PRPF18: variants seen among roughly 807,000 people sequenced by gnomAD.
The protein encoded by PRPF18 is pre-mRNA-splicing factor 18.
Under a neutral mutation model 46.5 loss-of-function variants are expected in PRPF18, and 38 were observed. The ratio of observed to expected loss-of-function variants is 0.82; its 90% CI spans 0.63 to 1.07. The LOEUF (loss-of-function observed/expected upper bound fraction) is 1.07, where lower values mean the gene tolerates loss of function less well. Among genes scored for constraint, PRPF18 ranks in the 50% least tolerant of loss-of-function variants. The pLI, the probability that PRPF18 is intolerant of heterozygous loss-of-function variation, is 0.00. For missense variants in PRPF18, 263 were observed against 410.0 expected (o/e 0.64, Z 3.10); for synonymous variants, 152 against 146.7 (o/e 1.04, Z -0.26).
chr10:13,604,737 T>C (rs1441820608), intron 3 of PRPF18, among the ~76,000 whole-genome samples: 1 of 152,230 alleles, frequency 6.6e-6, no homozygotes. Flanking sequence ...TTACTTAAGG[T>C]GTGATGGTAA....
chr10:13,630,129 A>T, intron 9 of PRPF18, 131 bp from the exon 10 acceptor site: 1 of 698,634 alleles, frequency 1.4e-6, no homozygotes, highest in South Asian at 1.7e-5. Context: ...CTAGGCATAC[A>T]TCTGAGTGAA....
At chr10:13,654,994 G>T in the PRPF18 span, 1 of 161,812 alleles carries the variant, frequency 6.2e-6, no homozygotes, top group Non-Finnish European at 1.4e-5. Flanking sequence ...CATCCAGAAA[G>T]GTTCTCAGAG....
chr10:13,604,001 G>A (rs1442153899), intron 3 of PRPF18, among the ~76,000 whole-genome samples: 2 of 152,194 alleles, frequency 1.3e-5, no homozygotes, highest in Non-Finnish European at 2.9e-5. Context: ...GGGATAAATG[G>A]GTAGAAGTTT....
downstream of PRPF18, among the ~76,000 whole-genome samples, chr10:13,633,546 C>T (rs79104432): frequency 9.2e-3 from 1,397 of 152,258 alleles, 19 homozygotes; most frequent in African/African-American, 0.032. Flanking sequence ...GGCTGCTTTT[C>T]AGCCACATGT....
At chr10:13,609,427 C>A (rs758123064) in intron 4 of PRPF18, among the ~76,000 whole-genome samples, 1 of 152,198 alleles carries the variant, frequency 6.6e-6, no homozygotes, top group Non-Finnish European at 1.5e-5. Flanking sequence ...AACCATTACC[C>A]TATAGCCGCC....
intron 9 of PRPF18, among the ~76,000 whole-genome samples, chr10:13,619,082 G>A (rs140314106): frequency 1.2e-4 from 18 of 152,286 alleles, no homozygotes; most frequent in African/African-American, 4.1e-4. Context: ...TTCACAATAG[G>A]GTTTGCGCTC....
chr10:13,599,539 A>G (rs2080077031), intron 2 of PRPF18, among the ~76,000 whole-genome samples: 1 of 152,316 alleles, frequency 6.6e-6, no homozygotes, highest in South Asian at 2.1e-4. Flanking sequence ...TCTTAAACTG[A>G]GACTTGAGCA....
At chr10:13,625,855 C>T (rs2080495912) in intron 9 of PRPF18, among the ~76,000 whole-genome samples, 1 of 152,224 alleles carries the variant, frequency 6.6e-6, no homozygotes, top group Non-Finnish European at 1.5e-5. Context: ...TCAGAATTCT[C>T]TTCCTTTCTG....
intron 9 of PRPF18, 146 bp downstream of exon 9, chr10:13,616,699 C>A: frequency 1.0e-6 from 1 of 966,668 alleles, no homozygotes; most frequent in Non-Finnish European, 1.5e-6. Context: ...AGCACTGACA[C>A]TGAAGCCACC....
At chr10:13,609,036 A>G (rs563320253) in intron 4 of PRPF18, among the ~76,000 whole-genome samples, 71 of 152,344 alleles carry the variant, frequency 4.7e-4, no homozygotes, top group African/African-American at 1.4e-3. Context: ...TTGAGAAATT[A>G]TAAGTGTTTT....
intron 9 of PRPF18, among the ~76,000 whole-genome samples, chr10:13,625,868 C>T (rs2080495959): frequency 6.6e-6 from 1 of 152,186 alleles, no homozygotes. Flanking sequence ...CCTTTCTGAA[C>T]CATCAAGTGA....
chr10:13,626,564 G>C (rs1232574496), intron 9 of PRPF18, among the ~76,000 whole-genome samples: 2 of 152,140 alleles, frequency 1.3e-5, no homozygotes, highest in Non-Finnish European at 2.9e-5. Flanking sequence ...TGCATATGTG[G>C]GGCCAGTGGA....
intron 2 of PRPF18, among the ~76,000 whole-genome samples, chr10:13,599,421 T>A (rs774146797): frequency 6.6e-6 from 1 of 152,226 alleles, no homozygotes; most frequent in Non-Finnish European, 1.5e-5. Context: ...TTGATCTTAC[T>A]CCTACTTTCA....
At chr10:13,602,028 G>A (rs1007180671) in intron 3 of PRPF18, among the ~76,000 whole-genome samples, 1 of 152,172 alleles carries the variant, frequency 6.6e-6, no homozygotes, top group Admixed American at 6.5e-5. Flanking sequence ...CAGAGTGTGT[G>A]TCTATGTAAT....
At chr10:13,606,674 G>T (rs2080188682) in intron 4 of PRPF18, among the ~76,000 whole-genome samples, 1 of 139,802 alleles carries the variant, frequency 7.2e-6, no homozygotes, top group African/African-American at 2.6e-5. Flanking sequence ...GGTGGAGGTT[G>T]CAGTGAGCTG....
chr10:13,602,386 G>A (rs2080124698), intron 3 of PRPF18, among the ~76,000 whole-genome samples: 1 of 151,994 alleles, frequency 6.6e-6, no homozygotes, highest in Non-Finnish European at 1.5e-5. Flanking sequence ...GTGTTAACCT[G>A]TGTTCATAAG....
chr10:13,587,917 A>T (rs1234516822), intron 1 of PRPF18, among the ~76,000 whole-genome samples: 2 of 152,066 alleles, frequency 1.3e-5, no homozygotes, highest in Non-Finnish European at 2.9e-5. Context: ...TCCGGTAACC[A>T]CTTGGGAGCC....
chr10:13,624,160 G>C (rs558349364), intron 9 of PRPF18, among the ~76,000 whole-genome samples: 25 of 151,996 alleles, frequency 1.6e-4, no homozygotes, highest in Non-Finnish European at 2.4e-4. Context: ...TTGTATTTTC[G>C]TAGTGACATG....
chr10:13,625,187 G>A lies in PRPF18; in HGVS notation c.949-5073G>A, dbSNP rs562626262. ...TCTACAAAAAATAAAAAATTTAGCT[G>A]GACGTGGTGGTGCATGCCTATTCAG... On this transcript the variant is annotated intron_variant, in intron 9 of 9. Transcript: ENST00000378572. Among the ~76,000 whole-genome samples, 9 of 152,164 alleles carry A rather than the reference G, an allele frequency of 5.9e-5. No homozygotes were observed. In the East Asian group the frequency reaches 1.7e-3, roughly 29 times the overall value.
Sources: allele counts gnomAD v4.1 joint callset (sites outside exome capture counted in the v4.1 genomes callset), GRCh38; gene constraint gnomAD v4.1.1; transcripts MANE v1.5; gene names NCBI Gene and HGNC (gene_info 2026-07-23, HGNC 2026-07-21).